NYAP2: variants seen among roughly 807,000 people sequenced by gnomAD.
NYAP2 encodes neuronal tyrosine-phosphorylated phosphoinositide-3-kinase adaptor 2, also known as neuronal tyrosine-phosphorylated phosphoinositide-3-kinase adapter 2.
In NYAP2, 23 loss-of-function variants were observed where a neutral mutation model predicts 50.4. The ratio of observed to expected loss-of-function variants is 0.46; its 90% CI spans 0.33 to 0.65. The LOEUF is 0.65. NYAP2 is among the 30% of genes least tolerant of loss of function. NYAP2 has a pLI of 0.02. For missense variants in NYAP2, 885 were observed against 861.0 expected (o/e 1.03, Z -0.35); for synonymous variants, 394 against 365.2 (o/e 1.08, Z -0.90).
At chr2:225,661,159 A>C in the NYAP2 span, among the ~76,000 whole-genome samples, 7 of 152,226 alleles carry the variant, frequency 4.6e-5, no homozygotes, top group Admixed American at 3.9e-4. Flanking sequence ...TCTTTCCGGA[A>C]AATAGTATTC....
At chr2:225,547,262 C>G (rs2106207660) in intron 4 of NYAP2, among the ~76,000 whole-genome samples, 1 of 152,288 alleles carries the variant, frequency 6.6e-6, no homozygotes, top group South Asian at 2.1e-4. Flanking sequence ...CCAGGCCTAG[C>G]AATTTACTCC....
intron 4 of NYAP2, among the ~76,000 whole-genome samples, chr2:225,533,478 G>T (rs1360321778): frequency 6.6e-6 from 1 of 152,038 alleles, no homozygotes; most frequent in Non-Finnish European, 1.5e-5. Flanking sequence ...CTTGAGCTCG[G>T]GAGTTTGAAA....
intron 3 of NYAP2, among the ~76,000 whole-genome samples, chr2:225,468,729 T>C (rs544307558): frequency 2.6e-5 from 4 of 152,024 alleles, no homozygotes; most frequent in Non-Finnish European, 5.9e-5. Flanking sequence ...TAATAAACAA[T>C]TGGACAAGAG....
chr2:225,643,986 A>G (rs1328575644), intron 6 of NYAP2, among the ~76,000 whole-genome samples: 3 of 147,850 alleles, frequency 2.0e-5, no homozygotes, highest in East Asian at 4.1e-4. Flanking sequence ...GTCAAATGGT[A>G]TTTCTAGTTC....
chr2:225,635,724 T>G (rs972199662), intron 6 of NYAP2, among the ~76,000 whole-genome samples: 3 of 152,186 alleles, frequency 2.0e-5, no homozygotes, highest in African/African-American at 7.2e-5. Flanking sequence ...TTGGGTTGCC[T>G]TGAGTCTGCA....
chr2:225,643,642 G>A, intron 6 of NYAP2, among the ~76,000 whole-genome samples: 1 of 146,968 alleles, frequency 6.8e-6, no homozygotes, highest in Non-Finnish European at 1.5e-5. Flanking sequence ...CCCTTCCTGT[G>A]TCCATGTGTT....
intron 3 of NYAP2, among the ~76,000 whole-genome samples, chr2:225,430,741 A>G (rs545701386): frequency 6.6e-6 from 1 of 152,336 alleles, no homozygotes; most frequent in East Asian, 1.9e-4. Flanking sequence ...AACCAAAAAC[A>G]AAGAAAAATA....
chr2:225,427,210 G>A (rs183055824), intron 3 of NYAP2, among the ~76,000 whole-genome samples: 1 of 152,184 alleles, frequency 6.6e-6, no homozygotes, highest in East Asian at 1.9e-4. Flanking sequence ...TTCAGATTGG[G>A]TAACTATTCA....
chr2:225,672,519 T>C, the NYAP2 span, among the ~76,000 whole-genome samples: 3 of 152,182 alleles, frequency 2.0e-5, no homozygotes, highest in Non-Finnish European at 4.4e-5. Flanking sequence ...GCTGTTTCAC[T>C]TTTTAATCAT....
downstream of NYAP2, among the ~76,000 whole-genome samples, chr2:225,654,305 G>T (rs1395768856): frequency 6.6e-6 from 1 of 152,076 alleles, no homozygotes; most frequent in African/African-American, 2.4e-5. Context: ...AAGACTCCTG[G>T]TAGTTATTAA....
intron 6 of NYAP2, among the ~76,000 whole-genome samples, chr2:225,632,231 G>A (rs1244968298): frequency 2.0e-5 from 3 of 152,184 alleles, no homozygotes; most frequent in Non-Finnish European, 4.4e-5. Flanking sequence ...AGAAGACAAT[G>A]AGTCAGTATT....
chr2:225,438,350 G>A (rs1015377811), intron 3 of NYAP2, among the ~76,000 whole-genome samples: 4 of 152,244 alleles, frequency 2.6e-5, no homozygotes, highest in African/African-American at 9.6e-5. Flanking sequence ...GAACAAAAGA[G>A]TCTGGCAAGT....
chr2:225,612,609 C>T (rs1246972589), intron 5 of NYAP2, among the ~76,000 whole-genome samples: 1 of 152,134 alleles, frequency 6.6e-6, no homozygotes, highest in Non-Finnish European at 1.5e-5. Flanking sequence ...GGTGCCAAGA[C>T]ATTCAAGTAC....
chr2:225,620,741 C>A (rs1261845075), intron 5 of NYAP2, among the ~76,000 whole-genome samples: 1 of 152,064 alleles, frequency 6.6e-6, no homozygotes, highest in East Asian at 1.9e-4. Flanking sequence ...AAGAGAAAAA[C>A]ACACACACAA....
chr2:225,547,389 C>G (rs1691604047), intron 4 of NYAP2, among the ~76,000 whole-genome samples: 1 of 152,230 alleles, frequency 6.6e-6, no homozygotes, highest in Non-Finnish European at 1.5e-5. Context: ...CTAACACTTG[C>G]TTAGAAATTG....
intron 3 of NYAP2, among the ~76,000 whole-genome samples, chr2:225,421,075 A>C (rs1370381863): frequency 6.6e-6 from 1 of 151,490 alleles, no homozygotes; most frequent in African/African-American, 2.4e-5. Flanking sequence ...GTCACACACC[A>C]CTATGCCCAG....
intron 5 of NYAP2, among the ~76,000 whole-genome samples, chr2:225,592,359 C>T (rs1692522176): frequency 3.3e-5 from 5 of 152,136 alleles, no homozygotes; most frequent in Admixed American, 3.3e-4. Context: ...AAGCAATGAG[C>T]ACCCTAGCAG....
intron 3 of NYAP2, among the ~76,000 whole-genome samples, chr2:225,424,052 T>A (rs538960650): frequency 3.3e-5 from 5 of 152,300 alleles, no homozygotes; most frequent in African/African-American, 1.2e-4. Flanking sequence ...AATTCAAGAT[T>A]GAGACTGAAT....
chr2:225,673,171 G>A, the NYAP2 span, among the ~76,000 whole-genome samples: 1 of 151,896 alleles, frequency 6.6e-6, no homozygotes, highest in Admixed American at 6.6e-5. Flanking sequence ...TGGAACCATC[G>A]GACCTGGTGA....
Sources: allele counts gnomAD v4.1 joint callset (sites outside exome capture counted in the v4.1 genomes callset), GRCh38; gene constraint gnomAD v4.1.1; transcripts MANE v1.5; gene names NCBI Gene and HGNC (gene_info 2026-07-23, HGNC 2026-07-21).